The following MSI2 variants were observed in gnomAD, a reference collection of about 807,000 sequenced individuals.
MSI2 encodes musashi RNA binding protein 2, also known as RNA-binding protein Musashi homolog 2.
MSI2 carries 17 observed loss-of-function variants against 45.6 expected under a neutral mutation model. That is an observed-to-expected ratio of 0.37 (90% confidence interval 0.26 to 0.56). The LOEUF is 0.56. Ranked by LOEUF, MSI2 falls within the 20% of genes least tolerant of loss-of-function variation. The pLI, the probability that MSI2 is intolerant of heterozygous loss-of-function variation, is 0.77. For missense variants in MSI2, 293 were observed against 444.2 expected, an observed-to-expected ratio of 0.66 and a Z score of 3.06; for synonymous variants, 156 against 158.2, an observed-to-expected ratio of 0.99 and a Z score of 0.11.
chr17:57,423,643 G>A (rs140568917), intron 6 of MSI2, among the ~76,000 whole-genome samples: 1 of 152,268 alleles, frequency 6.6e-6, no homozygotes, highest in Non-Finnish European at 1.5e-5. Flanking sequence ...GTTAAAGTAT[G>A]CCTGTTGATT....
chr17:57,481,191 T>C (rs2085640425), intron 6 of MSI2, among the ~76,000 whole-genome samples: 2 of 152,250 alleles, frequency 1.3e-5, no homozygotes, highest in South Asian at 4.1e-4. Context: ...CTGTTGTTAG[T>C]AGTTGCTGCT....
Position 57,683,332 on chromosome 17 carries a change from G to C in MSI2, c.*3815G>C. 4.3e-6 allele frequency: 1 copy of C among 230,264 alleles called. No homozygotes were observed. Among genetic ancestry groups the C allele is most frequent in the Non-Finnish European group, 8.6e-6 (1 of 116,276 alleles). The allele number at this position is 230,264 out of a possible 1,614,324, so 14.3% of individuals were successfully genotyped here. A position where few individuals can be genotyped will look rare whatever the true frequency, so the allele number is the denominator to read the frequency against. On this transcript the variant is annotated 3_prime_UTR_variant, in exon 14 of 14. Transcript: ENST00000284073. This position sits in a 1 kb window ranked among gnomAD's most constrained non-coding sequence, Gnocchi z 5.2. ...TTTTGATTTCTTGGGGGTGGGTTTTGCTTGTTGTTCCTTTTCATTTGGGGG... is the reference window on the plus strand; with the variant it reads ...TTTTGATTTCTTGGGGGTGGGTTTTCCTTGTTGTTCCTTTTCATTTGGGGG...
At chr17:57,557,575 G>A (rs2087466365) in intron 7 of MSI2, among the ~76,000 whole-genome samples, 1 of 152,250 alleles carries the variant, frequency 6.6e-6, no homozygotes, top group Non-Finnish European at 1.5e-5. Context: ...AGGGTGTGTG[G>A]CCAGGGACAG....
At chr17:57,591,902 C>T (rs1904865657) in intron 7 of MSI2, among the ~76,000 whole-genome samples, 1 of 151,624 alleles carries the variant, frequency 6.6e-6, no homozygotes, top group Non-Finnish European at 1.5e-5. Context: ...CTACAATGGC[C>T]GAGCACATTG....
chr17:57,692,084 T>C, the MSI2 span, among the ~76,000 whole-genome samples: 7 of 152,352 alleles, frequency 4.6e-5, no homozygotes, highest in Admixed American at 3.9e-4. Context: ...TTTTGTCAAA[T>C]GTTCTTTGCA....
At chr17:57,481,961 C>T (rs1477509575) in intron 6 of MSI2, among the ~76,000 whole-genome samples, 1 of 152,206 alleles carries the variant, frequency 6.6e-6, no homozygotes, top group Admixed American at 6.5e-5. Context: ...ACAGTTCACT[C>T]TTTGTTGATT....
chr17:57,524,190 T>C (rs1157488935), intron 6 of MSI2, among the ~76,000 whole-genome samples: 1 of 152,200 alleles, frequency 6.6e-6, no homozygotes. Flanking sequence ...AGCAGGAACT[T>C]GCAAATCCTC....
chr17:57,348,858 A>G (rs1397689701), intron 5 of MSI2, among the ~76,000 whole-genome samples: 1 of 152,148 alleles, frequency 6.6e-6, no homozygotes, highest in Non-Finnish European at 1.5e-5. Context: ...ATCCCCTCTC[A>G]GGGTGTTCTG....
intron 5 of MSI2, chr17:57,268,293 G>A (rs1413344940): frequency 6.6e-6 from 1 of 152,194 alleles, no homozygotes; most frequent in African/African-American, 2.4e-5. Context: ...AATAAGCAGT[G>A]AGCAAACAGA....
intron 9 of MSI2, among the ~76,000 whole-genome samples, chr17:57,617,577 T>C (rs917363): frequency 0.17 from 25,326 of 152,138 alleles, 2,536 homozygotes; most frequent in East Asian, 0.46. Flanking sequence ...AAATAATTTT[T>C]ATTAGGTCTT....
intron 8 of MSI2, among the ~76,000 whole-genome samples, chr17:57,609,391 C>G (rs1293740024): frequency 6.6e-6 from 1 of 152,216 alleles, no homozygotes; most frequent in African/African-American, 2.4e-5. Flanking sequence ...AAGGTTGATA[C>G]CTGAGCACTG....
intron 7 of MSI2, among the ~76,000 whole-genome samples, chr17:57,571,407 C>T (rs2087874213): frequency 6.6e-6 from 1 of 152,174 alleles, no homozygotes; most frequent in Non-Finnish European, 1.5e-5. Context: ...AGGGGAGATG[C>T]TCTGAGGGAA....
intron 6 of MSI2, among the ~76,000 whole-genome samples, chr17:57,421,735 T>C (rs1214723725): frequency 6.6e-6 from 1 of 152,136 alleles, no homozygotes. Flanking sequence ...AATGTGCCTG[T>C]ACTCCTAGCT....
intron 6 of MSI2, among the ~76,000 whole-genome samples, chr17:57,431,915 G>A (rs2084602067): frequency 6.6e-6 from 1 of 152,152 alleles, no homozygotes; most frequent in Non-Finnish European, 1.5e-5. Flanking sequence ...GACTCCACCG[G>A]GCATTTGGCG....
At chr17:57,642,132 C>T (rs1363720737) in intron 10 of MSI2, among the ~76,000 whole-genome samples, 1 of 152,256 alleles carries the variant, frequency 6.6e-6, no homozygotes, top group Non-Finnish European at 1.5e-5. Context: ...GATCTGTCCC[C>T]TGCCTCCACC....
rs1038483733 is a variant in MSI2 at position 57,596,682 on chromosome 17, C to T, written c.455-186C>T. 3.9e-5 allele frequency among the ~76,000 whole-genome samples: 6 copies of T among 152,180 alleles called. No homozygotes were observed. The highest frequency in any genetic ancestry group is 7.3e-5 in the Non-Finnish European group (5 of 68,030). ...GAAATCATTAACTTTTCCTCGCTGT[C>T]GGAAGGGTGCTCAGTACAAATTAGA... On this transcript the variant is annotated intron_variant, in intron 7 of 13. Coordinates refer to ENST00000284073, the MANE Select transcript of MSI2 (RefSeq NM_138962.4). This position sits in a 1 kb window ranked among gnomAD's most constrained non-coding sequence, Gnocchi z 4.6.
chr17:57,449,437 C>T (rs775240735), intron 6 of MSI2: 7 of 152,128 alleles, frequency 4.6e-5, no homozygotes, highest in Non-Finnish European at 8.8e-5. Flanking sequence ...ACCTTGTGGA[C>T]CAGTGGTTTC....
chr17:57,403,611 A>G (rs1469400585), intron 6 of MSI2, among the ~76,000 whole-genome samples: 1 of 152,162 alleles, frequency 6.6e-6, no homozygotes. Context: ...ATGCTCTTCA[A>G]TGCTCATATT....
chr17:57,668,750 TG>T (rs1835378135), intron 11 of MSI2, among the ~76,000 whole-genome samples: 3 of 152,134 alleles, frequency 2.0e-5, no homozygotes, highest in African/African-American at 7.2e-5. Flanking sequence ...ATGCAGACAG[TG>T]AAAAAGAAAT....
Sources: gnomAD v4.1 joint callset for allele counts (sites outside exome capture counted in the v4.1 genomes callset) on GRCh38, gnomAD v4.1.1 for gene constraint, Gnocchi (gnomAD v3.1) non-coding constraint, MANE v1.5 for transcripts, NCBI Gene and HGNC (gene_info 2026-07-23, HGNC 2026-07-21) for gene names.